Variants in SLC71A1 observed in about 807,000 individuals in gnomAD.
SLC71A1 encodes solute carrier family 71 member 1.
the SLC71A1 span, chr1:100,068,516 G>A: frequency 6.2e-7 from 1 of 1,613,978 alleles, no homozygotes; most frequent in Non-Finnish European, 8.5e-7. Flanking sequence ...CTGCTGATCT[G>A]CATTACAGTG....
the SLC71A1 span, chr1:100,080,797 CTG>C: frequency 2.7e-6 from 2 of 728,536 alleles, no homozygotes; most frequent in East Asian, 5.2e-5. Flanking sequence ...GTTTAAGGGA[CTG>C]TGTTCTTCTA....
At chr1:100,054,622 T>C in the SLC71A1 span, among the ~76,000 whole-genome samples, 2 of 152,136 alleles carry the variant, frequency 1.3e-5, no homozygotes, top group African/African-American at 2.4e-5. Context: ...TCCACTAGCA[T>C]CTCTTCTACC....
the SLC71A1 span, chr1:100,081,982 A>G: frequency 1.3e-6 from 2 of 1,579,568 alleles, no homozygotes; most frequent in Admixed American, 1.7e-5. Flanking sequence ...TAAAAATCCT[A>G]ATTACTTTAT....
chr1:100,082,787 C>T, the SLC71A1 span: 4 of 152,090 alleles, frequency 2.6e-5, no homozygotes, highest in African/African-American at 9.7e-5. Context: ...GTTTGCAGTA[C>T]TTTTAAACAT....
At chr1:100,047,516 G>C in the SLC71A1 span, among the ~76,000 whole-genome samples, 3 of 152,272 alleles carry the variant, frequency 2.0e-5, no homozygotes, top group East Asian at 5.8e-4. Context: ...TCCGCCTCCC[G>C]CGTTCAAGCG....
At chr1:100,080,456 C>A in the SLC71A1 span, 3 of 1,557,234 alleles carry the variant, frequency 1.9e-6, no homozygotes, top group African/African-American at 1.4e-5. Flanking sequence ...GAAAAAAAAC[C>A]AGGTAGTTTA....
chr1:100,047,112 G>A, the SLC71A1 span, among the ~76,000 whole-genome samples: 2 of 152,168 alleles, frequency 1.3e-5, no homozygotes, highest in Admixed American at 1.3e-4. Flanking sequence ...TAAGAGTGGC[G>A]AAAGTGGGCA....
At chr1:100,050,109 C>G in the SLC71A1 span, 348 of 633,594 alleles carry the variant, frequency 5.5e-4, no homozygotes, top group African/African-American at 5.9e-3. Context: ...ATTCTCCCAC[C>G]AGTATTGTTC....
At chr1:100,078,675 T>C in the SLC71A1 span, 1 of 644,748 alleles carries the variant, frequency 1.6e-6, no homozygotes, top group Non-Finnish European at 2.7e-6. Context: ...GCTTTTGATA[T>C]AAACAGGAAA....
At chr1:100,074,605 G>A in the SLC71A1 span, among the ~76,000 whole-genome samples, 438 of 151,876 alleles carry the variant, frequency 2.9e-3, 2 homozygotes, top group African/African-American at 9.6e-3. Context: ...GGCTGGGCAC[G>A]TGGTGGCTCA....
At chr1:100,060,254 A>G in the SLC71A1 span, among the ~76,000 whole-genome samples, 1 of 152,236 alleles carries the variant, frequency 6.6e-6, no homozygotes, top group Non-Finnish European at 1.5e-5. Context: ...TTTGGATTCC[A>G]GAACCCAAAT....
the SLC71A1 span, chr1:100,077,025 G>T: frequency 1.7e-6 from 1 of 575,792 alleles, no homozygotes; most frequent in South Asian, 2.4e-5. Context: ...CTGGACTAGT[G>T]ATCTCAGACA....
chr1:100,082,532 T>G, the SLC71A1 span: 2 of 293,602 alleles, frequency 6.8e-6, no homozygotes, highest in South Asian at 7.5e-5. Flanking sequence ...TACCATTTCC[T>G]TAAGGTGTTG....
chr1:100,052,038 C>T, the SLC71A1 span, among the ~76,000 whole-genome samples: 2 of 152,116 alleles, frequency 1.3e-5, no homozygotes, highest in African/African-American at 4.8e-5. Flanking sequence ...CCCAGGCTTC[C>T]TTGACTCCTC....
the SLC71A1 span, chr1:100,059,800 C>A: frequency 7.7e-7 from 1 of 1,301,556 alleles, no homozygotes; most frequent in Non-Finnish European, 1.0e-6. Context: ...GAAAATTTTT[C>A]TATAGGAGTA....
the SLC71A1 span, among the ~76,000 whole-genome samples, chr1:100,061,096 A>G: frequency 1.3e-5 from 2 of 152,226 alleles, no homozygotes; most frequent in Non-Finnish European, 2.9e-5. Flanking sequence ...GCAGTGTGTT[A>G]GAAAAATTTT....
chr1:100,059,144 G>GTTTTTTTTTTTTTTTTTTTTTTTTTTT, the SLC71A1 span, among the ~76,000 whole-genome samples: 2 of 75,428 alleles, frequency 2.7e-5, no homozygotes, highest in African/African-American at 1.2e-4. Flanking sequence ...TCTTTTTCGT[G>GTTTTTTTTTTTTTTTTTTTTTTTTTTT]TTTTTTTTTT....
the SLC71A1 span, among the ~76,000 whole-genome samples, chr1:100,046,288 G>A: frequency 4.4e-5 from 6 of 135,574 alleles, no homozygotes; most frequent in Admixed American, 7.9e-5. Context: ...GTGCAGTGGC[G>A]CAATCTTGGC....
chr1:100,083,170 G>A, the SLC71A1 span: 1 of 152,328 alleles, frequency 6.6e-6, no homozygotes. Flanking sequence ...GTATATTTTT[G>A]TGTCCAGTTA....
Sources: allele counts gnomAD v4.1 joint callset (sites outside exome capture counted in the v4.1 genomes callset), GRCh38; gene constraint gnomAD v4.1.1; transcripts MANE v1.5; gene names NCBI Gene and HGNC (gene_info 2026-07-23, HGNC 2026-07-21).